ATP10A: variants seen among roughly 807,000 people sequenced by gnomAD.
The protein encoded by ATP10A is phospholipid-transporting ATPase VA.
In ATP10A, 111 loss-of-function variants were observed where a neutral mutation model predicts 147.8. The observed-to-expected ratio is 0.75, with a 90% CI of 0.64 to 0.88. The LOEUF (loss-of-function observed/expected upper bound fraction) is 0.88. Ranked by LOEUF, ATP10A falls within the 40% of genes least tolerant of loss-of-function variation. The pLI is 0.00. For synonymous variants in ATP10A, 875 were observed against 841.6 expected, an observed-to-expected ratio of 1.04 and a Z score of -0.69; for missense variants, 1,927 against 1,959.0, an observed-to-expected ratio of 0.98 and a Z score of 0.31.
chr15:25,818,168 A>G lies in ATP10A; in HGVS notation c.450-36945T>C, dbSNP rs190500336. Reference sequence around the variant, plus strand: ...ATTAAAAAAACCTAGAAACACATAAATATCTCATACTATTATTTATTTGAA... The same window carrying G: ...ATTAAAAAAACCTAGAAACACATAAGTATCTCATACTATTATTTATTTGAA... On this transcript the variant is annotated intron_variant, in intron 1 of 20. Transcript: ENST00000555815. Among the ~76,000 whole-genome samples, 20 of 152,274 alleles carry G rather than the reference A, an allele frequency of 1.3e-4. No individual in the cohort carries two copies. The South Asian group carries it at 3.7e-3, about 28-fold the overall frequency.
At chr15:25,828,116 C>T (rs180752552) in intron 1 of ATP10A, among the ~76,000 whole-genome samples, 514 of 152,098 alleles carry the variant, frequency 3.4e-3, no homozygotes, top group Non-Finnish European at 4.6e-3. Context: ...CAATTATAAG[C>T]AAAAATGAAG....
intron 2 of ATP10A, among the ~76,000 whole-genome samples, chr15:25,739,075 T>G (rs941776989): frequency 6.6e-6 from 1 of 152,094 alleles, no homozygotes; most frequent in Non-Finnish European, 1.5e-5. Context: ...TTGCTTTTTA[T>G]TTTTTATTTT....
chr15:25,835,919 T>C (rs1892572870), intron 1 of ATP10A, among the ~76,000 whole-genome samples: 2 of 152,360 alleles, frequency 1.3e-5, no homozygotes, highest in African/African-American at 4.8e-5. Flanking sequence ...GCTCACGCCA[T>C]TCTCCCGCCT....
chr15:25,745,176 A>G (rs1306063499), intron 2 of ATP10A, among the ~76,000 whole-genome samples: 4 of 152,064 alleles, frequency 2.6e-5, no homozygotes, highest in Non-Finnish European at 4.4e-5. Context: ...AAATACAAAA[A>G]TTAGCTGGGT....
Position 25,679,713 on chromosome 15 carries a change from G to A in ATP10A, c.4128C>T (p.Ser1376=), listed in dbSNP as rs374849683. 67 of 1,613,224 alleles carry A rather than the reference G, an allele frequency of 4.2e-5. No homozygotes were observed. Among genetic ancestry groups the A allele is most frequent in the Non-Finnish European group, 5.3e-5 (63 of 1,180,022 alleles). Residue 1376 remains serine (S), a synonymous_variant, in exon 21 of 21, where the codon AGC becomes AGT. Coordinates refer to ENST00000555815, the MANE Select transcript of ATP10A (RefSeq NM_024490.4). ...GCAGGGTGTGCTCCCTCACTGGCAT[G>A]CTCATGTCCACTGTGCTGGGCTCCC... ...ASGEPSTVDM[S]MPVREHTLLE...
At chr15:25,841,276 A>G in intron 1 of ATP10A, among the ~76,000 whole-genome samples, 1 of 64,042 alleles carries the variant, frequency 1.6e-5, no homozygotes, top group South Asian at 1.2e-3. Flanking sequence ...TGTGAGGTTT[A>G]GGGTTTTTTT....
At chr15:25,750,943 A>G (rs1888124855) in intron 2 of ATP10A, among the ~76,000 whole-genome samples, 1 of 152,106 alleles carries the variant, frequency 6.6e-6, no homozygotes, top group Non-Finnish European at 1.5e-5. Flanking sequence ...GGTCACAAAG[A>G]GAAGATGGGA....
At chr15:25,859,732 C>T (rs1279794611) in intron 1 of ATP10A, among the ~76,000 whole-genome samples, 3 of 152,122 alleles carry the variant, frequency 2.0e-5, no homozygotes. Context: ...ACATTTCTAA[C>T]AGGCTCTAAG....
At chr15:25,750,867 T>C (rs943479527) in intron 2 of ATP10A, among the ~76,000 whole-genome samples, 8 of 151,734 alleles carry the variant, frequency 5.3e-5, no homozygotes, top group African/African-American at 1.9e-4. Flanking sequence ...CCAACAAACC[T>C]TGAAGTAACC....
Position 25,713,813 on chromosome 15 carries a change from C to G in ATP10A, c.2205G>C (p.Glu735Asp). ...AATCGAAACCCAGTGTGTGCAGGAG[C>G]TCGAAGGTGAGCCTGCCCAGGTGGG... is the stretch of plus-strand genomic sequence containing the variant. ...ELPHLGRLTF[E>D]LLHTLGFDSV... is the part of the protein sequence containing the mutation. Residue 735 changes from glutamate to aspartate, a missense_variant, in exon 10 of 21, where the codon GAG becomes GAC. Physicochemically the swap from Glu to Asp is conservative, Grantham distance 45. Transcript: ENST00000555815. 6.2e-7 allele frequency: 1 copy of G among 1,614,098 alleles called. No homozygotes were observed. Among genetic ancestry groups the G allele is most frequent in the South Asian group, 1.1e-5 (1 of 91,084 alleles).
intron 3 of ATP10A, among the ~76,000 whole-genome samples, 162 bp from the exon 4 acceptor site, chr15:25,727,428 G>A (rs946022469): frequency 6.6e-6 from 1 of 152,086 alleles, no homozygotes; most frequent in African/African-American, 2.4e-5. Flanking sequence ...TGGGTGGCTC[G>A]CCCTGTGGGT....
intron 13 of ATP10A, among the ~76,000 whole-genome samples, chr15:25,698,394 T>G (rs545500369): frequency 2.0e-5 from 3 of 152,348 alleles, no homozygotes; most frequent in African/African-American, 7.2e-5. Context: ...TAATGAATAG[T>G]AAATATATTT....
chr15:25,831,098 C>A (rs1479959436), intron 1 of ATP10A, among the ~76,000 whole-genome samples: 1 of 152,238 alleles, frequency 6.6e-6, no homozygotes, highest in Non-Finnish European at 1.5e-5. Flanking sequence ...CCCCACCATG[C>A]CCTGCCCGCT....
At chr15:25,836,905 A>AC (rs1347316596) in intron 1 of ATP10A, among the ~76,000 whole-genome samples, 1 of 152,178 alleles carries the variant, frequency 6.6e-6, no homozygotes, top group Non-Finnish European at 1.5e-5. Context: ...CCCAGTATTT[A>AC]CCTTCAGGTC....
chr15:25,783,244 A>G (rs112627901), intron 1 of ATP10A, among the ~76,000 whole-genome samples: 87 of 152,230 alleles, frequency 5.7e-4, no homozygotes, highest in African/African-American at 2.0e-3. Flanking sequence ...AACACATTTC[A>G]TGTTTACCAT....
chr15:25,843,381 C>T (rs1050964292), intron 1 of ATP10A, among the ~76,000 whole-genome samples: 11 of 152,114 alleles, frequency 7.2e-5, no homozygotes, highest in African/African-American at 2.7e-4. Flanking sequence ...TGGAGAGAGA[C>T]AGATGTGATT....
At chr15:25,777,027 C>T (rs761399466) in intron 2 of ATP10A, among the ~76,000 whole-genome samples, 2 of 152,022 alleles carry the variant, frequency 1.3e-5, no homozygotes, top group African/African-American at 2.4e-5. Flanking sequence ...GAGTCCTCCA[C>T]GTATTGGTCC....
chr15:25,682,844 C>G (rs1202516508), intron 17 of ATP10A, among the ~76,000 whole-genome samples: 1 of 152,232 alleles, frequency 6.6e-6, no homozygotes. Context: ...TGGCTAGAAA[C>G]AGCTGGTCAT....
chr15:25,820,460 A>T, intron 1 of ATP10A, among the ~76,000 whole-genome samples: 1 of 152,206 alleles, frequency 6.6e-6, no homozygotes, highest in East Asian at 1.9e-4. Flanking sequence ...TCCTGACAGA[A>T]GAGCAATCCC....
Sources: gnomAD v4.1 joint callset for allele counts (sites outside exome capture counted in the v4.1 genomes callset) on GRCh38, gnomAD v4.1.1 for gene constraint, MANE v1.5 for transcripts, NCBI Gene and HGNC (gene_info 2026-07-23, HGNC 2026-07-21) for gene names.